Variants in UTS2B observed in about 807,000 individuals in gnomAD.
The protein encoded by UTS2B is urotensin-2B.
In UTS2B, 21 loss-of-function variants were observed where a neutral mutation model predicts 19.2. The observed-to-expected ratio is 1.09, with a 90% CI of 0.78 to 1.58. UTS2B has a LOEUF of 1.58. UTS2B is among the 40% of genes most tolerant of loss of function. UTS2B has a pLI of 0.00. For missense variants in UTS2B, 138 were observed against 130.3 expected (o/e 1.06, Z -0.29); for synonymous variants, 57 against 50.2 (o/e 1.14, Z -0.58).
At chr3:191,334,779 T>C (rs1239881315), upstream of UTS2B, among the ~76,000 whole-genome samples, 1 of 152,210 alleles carries the variant, frequency 6.6e-6, no homozygotes, top group African/African-American at 2.4e-5. Context: ...ATTTATGTGA[T>C]ATGCCATATG....
At chr3:191,343,251 G>A in the UTS2B span, among the ~76,000 whole-genome samples, 1 of 152,128 alleles carries the variant, frequency 6.6e-6, no homozygotes, top group East Asian at 1.9e-4. Flanking sequence ...CATATTACAG[G>A]GGCGTAAACA....
chr3:191,296,839 G>A (rs867298179), intron 4 of UTS2B, among the ~76,000 whole-genome samples: 2 of 152,154 alleles, frequency 1.3e-5, no homozygotes, highest in South Asian at 4.1e-4. Flanking sequence ...AGAAATCCAA[G>A]GCTGGCATAT....
At chr3:191,319,474 G>A (rs866791864) in intron 2 of UTS2B, among the ~76,000 whole-genome samples, 20 of 152,132 alleles carry the variant, frequency 1.3e-4, no homozygotes, top group African/African-American at 4.3e-4. Context: ...GAAGATATCT[G>A]TTTCTTTTTA....
chr3:191,317,799 C>A (rs1717506500), intron 2 of UTS2B, among the ~76,000 whole-genome samples: 1 of 152,124 alleles, frequency 6.6e-6, no homozygotes, highest in Non-Finnish European at 1.5e-5. Context: ...AGACTGGTCT[C>A]GAACTCCTGA....
At chr3:191,289,184 T>C (rs1219053300) in intron 4 of UTS2B, among the ~76,000 whole-genome samples, 1 of 151,892 alleles carries the variant, frequency 6.6e-6, no homozygotes. Context: ...CCGAGGTGGG[T>C]GGATCACGAA....
intron 4 of UTS2B, among the ~76,000 whole-genome samples, chr3:191,283,546 T>C (rs1188505879): frequency 7.2e-5 from 11 of 152,242 alleles, no homozygotes; most frequent in Admixed American, 6.5e-4. Flanking sequence ...CTGCCTCCAC[T>C]ATCAAATTGT....
At chr3:191,310,158 GT>G (rs960050248) in intron 3 of UTS2B, among the ~76,000 whole-genome samples, 12 of 151,644 alleles carry the variant, frequency 7.9e-5, no homozygotes, top group Admixed American at 4.6e-4. Flanking sequence ...TAGAGATGGT[GT>G]TTCACCATGT....
chr3:191,332,892 G>T (rs374060721), upstream of UTS2B, among the ~76,000 whole-genome samples: 23 of 152,204 alleles, frequency 1.5e-4, no homozygotes, highest in African/African-American at 4.8e-4. Context: ...GGCCTTTCTA[G>T]ACATTTTGGC....
At chr3:191,316,463 C>T (rs978178899) in intron 2 of UTS2B, 24 bp from the exon 3 acceptor site, 1 of 152,300 alleles carries the variant, frequency 6.6e-6, no homozygotes, top group African/African-American at 2.4e-5. Flanking sequence ...AAAAATAGAT[C>T]TCCCACAGTG....
At position 191,316,456 on chromosome 3, in the gene UTS2B, A is replaced by T. The variant is rs548888662; in HGVS notation, c.-585-17T>A. ...CAAGATTTACTGCAAAGAGCGAAAA[A>T]ATAGATCTCCCACAGTGTGAAAGTC... On this transcript the variant is annotated splice_polypyrimidine_tract_variant and intron_variant, in intron 2 of 8. Transcript: ENST00000340524. The T allele has an allele frequency of 2.0e-5, 3 of 152,378 alleles. No homozygotes were observed. The highest frequency in any genetic ancestry group is 2.1e-4 in the South Asian group (1 of 4,818). The allele number at this position is 152,378 out of a possible 1,614,324, so 9.4% of individuals were successfully genotyped here.
chr3:191,310,893 C>G (rs560590246), intron 3 of UTS2B, among the ~76,000 whole-genome samples: 76 of 152,268 alleles, frequency 5.0e-4, no homozygotes, highest in African/African-American at 1.8e-3. Context: ...TCAATTCCTT[C>G]GAAATATATT....
chr3:191,272,599 G>A (rs1263327463), intron 8 of UTS2B, among the ~76,000 whole-genome samples: 1 of 152,174 alleles, frequency 6.6e-6, no homozygotes, highest in Non-Finnish European at 1.5e-5. Flanking sequence ...GGTGGCTCAT[G>A]CCTGTAATCC....
intron 4 of UTS2B, among the ~76,000 whole-genome samples, chr3:191,296,570 A>G (rs1716864097): frequency 6.6e-6 from 1 of 152,212 alleles, no homozygotes; most frequent in African/African-American, 2.4e-5. Flanking sequence ...CCTGGCCCAT[A>G]ATTGTTTGCC....
chr3:191,276,792 A>T lies in UTS2B; in HGVS notation c.240+15T>A. 2 of 1,608,210 alleles carry T rather than the reference A, an allele frequency of 1.2e-6. No homozygotes were observed. The highest frequency in any genetic ancestry group is 1.7e-6 in the Non-Finnish European group (2 of 1,176,826). ...TGTTATTAAAACTGCTCATTTAAGTATTTCACATTCTCACCTGGTTAAGTT... is the reference window on the plus strand; with the variant it reads ...TGTTATTAAAACTGCTCATTTAAGTTTTTCACATTCTCACCTGGTTAAGTT... On this transcript the variant is annotated intron_variant, in intron 7 of 8. Coordinates refer to ENST00000340524, the MANE Select transcript of UTS2B (RefSeq NM_198152.5).
At chr3:191,306,968 T>C (rs1262167697) in intron 3 of UTS2B, among the ~76,000 whole-genome samples, 1 of 152,160 alleles carries the variant, frequency 6.6e-6, no homozygotes, top group African/African-American at 2.4e-5. Flanking sequence ...TTGCTACAGA[T>C]TTTCTCATTA....
chr3:191,340,526 C>T, the UTS2B span, among the ~76,000 whole-genome samples: 2 of 152,218 alleles, frequency 1.3e-5, no homozygotes, highest in Non-Finnish European at 2.9e-5. Flanking sequence ...TTCTACTCAA[C>T]AGTTTTCCTT....
intron 8 of UTS2B, among the ~76,000 whole-genome samples, chr3:191,272,996 T>C (rs915243612): frequency 1.3e-5 from 2 of 150,858 alleles, no homozygotes; most frequent in Non-Finnish European, 2.9e-5. Context: ...GAAACCCCCA[T>C]CTCTACTAAA....
intron 4 of UTS2B, among the ~76,000 whole-genome samples, chr3:191,300,993 G>A (rs1576926040): frequency 6.6e-6 from 1 of 152,226 alleles, no homozygotes; most frequent in Non-Finnish European, 1.5e-5. Flanking sequence ...AATATTCTTG[G>A]TATGGTTACT....
chr3:191,275,299 G>T lies in UTS2B; in HGVS notation c.287C>A (p.Thr96Lys). The T allele has an allele frequency of 6.2e-7, 1 of 1,613,694 alleles. No homozygotes were observed. Among genetic ancestry groups the T allele is most frequent in the Non-Finnish European group, 8.5e-7 (1 of 1,179,720 alleles). ...GAATAGACCATCTACAGCATAGGAC[G>T]TCTCAGAATCCTTCTCCTCCACTAG... ...EQLVEEKDSE[T>K]SYAVDGLFSS... is the part of the protein sequence containing the mutation. Residue 96 changes from threonine to lysine, a missense_variant, in exon 8 of 9, where the codon ACG (threonine) becomes AAG (lysine). Physicochemically the swap from Thr to Lys is moderately conservative, Grantham distance 78 (BLOSUM62 -1). Coordinates refer to ENST00000340524, the MANE Select transcript of UTS2B (RefSeq NM_198152.5).
Sources: gnomAD v4.1 joint callset for allele counts (sites outside exome capture counted in the v4.1 genomes callset) on GRCh38, gnomAD v4.1.1 for gene constraint, MANE v1.5 for transcripts, NCBI Gene and HGNC (gene_info 2026-07-23, HGNC 2026-07-21) for gene names.